SCHIP1: variants seen among roughly 807,000 people sequenced by gnomAD.
SCHIP1 encodes the protein schwannomin interacting protein 1.
A neutral mutation model predicts 29.7 loss-of-function variants in SCHIP1; 8 were observed. The observed-to-expected ratio is 0.27, with a 90% CI of 0.16 to 0.49. The LOEUF (loss-of-function observed/expected upper bound fraction) is 0.49, where lower values mean the gene tolerates loss of function less well. Among genes scored for constraint, SCHIP1 ranks in the 20% least tolerant of loss-of-function variants. The pLI is 0.99. For missense variants in SCHIP1, 193 were observed against 294.6 expected (o/e 0.66, Z 2.52); for synonymous variants, 76 against 94.9 (o/e 0.80, Z 1.16).
the SCHIP1 span, among the ~76,000 whole-genome samples, chr3:159,356,277 C>T: frequency 1.3e-5 from 2 of 152,036 alleles, no homozygotes; most frequent in Non-Finnish European, 1.5e-5. Context: ...TATGCTACAC[C>T]TTGAATATAC....
the SCHIP1 span, among the ~76,000 whole-genome samples, chr3:159,733,590 G>C: frequency 6.6e-6 from 1 of 152,160 alleles, no homozygotes; most frequent in Non-Finnish European, 1.5e-5. Flanking sequence ...ACAGTTGTGT[G>C]GGGGAGTGAA....
the SCHIP1 span, among the ~76,000 whole-genome samples, chr3:159,470,615 G>A: frequency 1.3e-5 from 2 of 151,956 alleles, no homozygotes; most frequent in African/African-American, 4.8e-5. Context: ...AACCATGAAT[G>A]ATTTATTTTC....
At chr3:159,576,669 G>A in the SCHIP1 span, among the ~76,000 whole-genome samples, 110 of 152,146 alleles carry the variant, frequency 7.2e-4, 1 homozygote, top group Admixed American at 1.3e-3. Flanking sequence ...CCCTTTCATT[G>A]AAGTGTGACT....
chr3:159,711,016 C>T, the SCHIP1 span, among the ~76,000 whole-genome samples: 1 of 152,010 alleles, frequency 6.6e-6, no homozygotes, highest in South Asian at 2.1e-4. Context: ...TTTGTTGTGT[C>T]CCTATAGAGG....
the SCHIP1 span, among the ~76,000 whole-genome samples, chr3:159,804,080 G>T: frequency 6.6e-6 from 1 of 152,162 alleles, no homozygotes; most frequent in Non-Finnish European, 1.5e-5. Context: ...ATGACCTAAG[G>T]AAAGCAGAGA....
At chr3:159,828,457 ATATATG>A in the SCHIP1 span, among the ~76,000 whole-genome samples, 2 of 123,106 alleles carry the variant, frequency 1.6e-5, no homozygotes, top group African/African-American at 8.6e-5. Context: ...ATATACGTAT[ATATATG>A]TATATATACA....
chr3:159,450,666 C>T, the SCHIP1 span, among the ~76,000 whole-genome samples: 1 of 152,132 alleles, frequency 6.6e-6, no homozygotes, highest in Admixed American at 6.5e-5. Context: ...GCAAGTACAC[C>T]TTCAAGCCAA....
At chr3:159,433,468 A>G in the SCHIP1 span, among the ~76,000 whole-genome samples, 8 of 152,206 alleles carry the variant, frequency 5.3e-5, no homozygotes, top group Non-Finnish European at 1.0e-4. Flanking sequence ...TCTAGATCAA[A>G]TATAGAAATC....
At chr3:159,853,237 A>G in intron 1 of SCHIP1, 1 of 507,556 alleles carries the variant, frequency 2.0e-6, no homozygotes, top group Non-Finnish European at 3.5e-6. Context: ...GAGTGGGGCA[A>G]GAACACACAC....
At chr3:159,544,188 C>T in the SCHIP1 span, among the ~76,000 whole-genome samples, 10 of 151,820 alleles carry the variant, frequency 6.6e-5, no homozygotes, top group African/African-American at 2.2e-4. Flanking sequence ...ATATAAAATA[C>T]GTGTGTATGT....
At chr3:159,409,342 A>G in the SCHIP1 span, among the ~76,000 whole-genome samples, 10 of 152,184 alleles carry the variant, frequency 6.6e-5, no homozygotes, top group Non-Finnish European at 1.5e-4. Flanking sequence ...GAGAAGTCAA[A>G]TTATCCTTGT....
chr3:159,684,548 G>A, the SCHIP1 span, among the ~76,000 whole-genome samples: 1 of 152,102 alleles, frequency 6.6e-6, no homozygotes, highest in African/African-American at 2.4e-5. Flanking sequence ...GCTCATGCCT[G>A]TAATCCCAGC....
chr3:159,824,843 A>T, the SCHIP1 span, among the ~76,000 whole-genome samples: 1 of 152,178 alleles, frequency 6.6e-6, no homozygotes, highest in African/African-American at 2.4e-5. Flanking sequence ...TTTAACTGTC[A>T]TTTGTATTTG....
the SCHIP1 span, among the ~76,000 whole-genome samples, chr3:159,747,635 A>G: frequency 2.0e-5 from 3 of 152,038 alleles, no homozygotes; most frequent in African/African-American, 4.8e-5. Flanking sequence ...CTGGCTGTCT[A>G]TGCTTTTCAT....
the SCHIP1 span, among the ~76,000 whole-genome samples, chr3:159,380,823 A>C: frequency 6.6e-6 from 1 of 152,124 alleles, no homozygotes; most frequent in Non-Finnish European, 1.5e-5. Flanking sequence ...CAAATACCGT[A>C]TGGTCTGACT....
At chr3:159,691,297 G>T in the SCHIP1 span, among the ~76,000 whole-genome samples, 1 of 152,064 alleles carries the variant, frequency 6.6e-6, no homozygotes, top group Non-Finnish European at 1.5e-5. Flanking sequence ...TTATATTTAG[G>T]ATAGTTAGCT....
chr3:159,429,449 C>A, the SCHIP1 span, among the ~76,000 whole-genome samples: 1 of 152,104 alleles, frequency 6.6e-6, no homozygotes, highest in South Asian at 2.1e-4. Flanking sequence ...ATCTAAGTGA[C>A]AAGTTAGACT....
At chr3:159,287,641 A>C in the SCHIP1 span, among the ~76,000 whole-genome samples, 2 of 152,210 alleles carry the variant, frequency 1.3e-5, no homozygotes, top group Non-Finnish European at 2.9e-5. Context: ...TAAGTATTTT[A>C]CATATGCTAA....
the SCHIP1 span, among the ~76,000 whole-genome samples, chr3:159,277,925 A>G: frequency 1.3e-5 from 2 of 152,084 alleles, no homozygotes; most frequent in Non-Finnish European, 2.9e-5. Context: ...AAAGAAAAAA[A>G]AAAAAGGATG....
Sources: allele counts gnomAD v4.1 joint callset (sites outside exome capture counted in the v4.1 genomes callset), GRCh38; gene constraint gnomAD v4.1.1; transcripts MANE v1.5; gene names NCBI Gene and HGNC (gene_info 2026-07-23, HGNC 2026-07-21).